Variants in PIP5K1C observed in about 807,000 individuals in gnomAD.
PIP5K1C encodes the protein phosphatidylinositol-4-phosphate 5-kinase type 1 gamma.
Under a neutral mutation model 80.1 loss-of-function variants are expected in PIP5K1C, and 45 were observed. The observed-to-expected ratio is 0.56, with a 90% CI of 0.44 to 0.72. The LOEUF is 0.72. Ranked by LOEUF, PIP5K1C falls within the 30% of genes least tolerant of loss-of-function variation. The probability of loss-of-function intolerance (pLI) is 0.00; values close to 1 mark genes in which losing one functional copy is unlikely to be tolerated. For missense variants in PIP5K1C, 753 were observed against 954.6 expected (o/e 0.79, Z 2.78); for synonymous variants, 498 against 420.1 (o/e 1.19, Z -2.27).
intron 16 of PIP5K1C, among the ~76,000 whole-genome samples, chr19:3,634,421 T>A (rs916529452): frequency 2.6e-5 from 4 of 152,072 alleles, no homozygotes; most frequent in Non-Finnish European, 5.9e-5. Context: ...AACCCAGCCT[T>A]CAACGCCCCT....
chr19:3,630,535 C>T lies in PIP5K1C; in HGVS notation c.*2632G>A, dbSNP rs1263169215. ...GGAGATGAGGAGGAGGTGGCAGGCG[C>T]CTCTCCTGGGGTGGGGACTGAGGGC... On this transcript the variant is annotated 3_prime_UTR_variant, in exon 18 of 18. Transcript: ENST00000335312. 1.3e-5 allele frequency: 2 copies of T among 152,362 alleles called. No individual in the cohort carries two copies. The highest frequency in any genetic ancestry group is 3.9e-4 in the East Asian group (2 of 5,190). The allele number at this position is 152,362 out of a possible 1,614,324, so 9.4% of individuals were successfully genotyped here.
At chr19:3,654,317 G>A (rs985124370) in intron 6 of PIP5K1C, among the ~76,000 whole-genome samples, 2 of 152,160 alleles carry the variant, frequency 1.3e-5, no homozygotes, top group East Asian at 3.9e-4. Context: ...AAGCAACAGC[G>A]CCCCCTGCCC....
rs2035627178 is a variant in PIP5K1C, at chr19:3,682,793, C to T, written c.95-15440G>A. Among the ~76,000 whole-genome samples, 3 of 152,240 alleles carry T rather than the reference C, an allele frequency of 2.0e-5. No homozygotes were observed. The South Asian group carries it at 6.2e-4, about 32-fold the overall frequency. ...AGGAGGCAGTCCCGGCTGACAGCTTCACCACAGCCTCATGAGAGACCCCGA... is the reference window on the plus strand; with the variant it reads ...AGGAGGCAGTCCCGGCTGACAGCTTTACCACAGCCTCATGAGAGACCCCGA... On this transcript the variant is annotated intron_variant, in intron 1 of 17. Transcript: ENST00000335312.
Position 3,651,827 on chromosome 19 carries a change from T to A in PIP5K1C, c.1126A>T (p.Thr376Ser). The A allele has an allele frequency of 1.2e-6, 2 of 1,611,158 alleles. No individual in the cohort carries two copies. Among genetic ancestry groups the A allele is most frequent in the Non-Finnish European group, 1.7e-6 (2 of 1,179,560 alleles). ...TCCGGCGGCCCCCCGCCCACCTACG[T>A]GTCATCCGATTCGATGGCCTCCCCG... ...ARGEAIESDD[T>S]MGGIPAVNGR... is the part of the protein sequence containing the mutation. Residue 376 changes from threonine (T) to serine (S), a missense_variant and splice_region_variant, in exon 8 of 18, where the codon ACG becomes TCG. By Grantham distance (58) the Thr-to-Ser change is moderately conservative. Coordinates refer to ENST00000335312, the MANE Select transcript of PIP5K1C (RefSeq NM_012398.3).
chr19:3,636,816 G>A (rs983051472), intron 16 of PIP5K1C: 6 of 987,832 alleles, frequency 6.1e-6, no homozygotes, highest in Non-Finnish European at 7.2e-6. Flanking sequence ...TCTGCGCCCC[G>A]TTCTGGCTGT....
intron 1 of PIP5K1C, among the ~76,000 whole-genome samples, chr19:3,685,493 G>A (rs371790683): frequency 1.3e-5 from 2 of 152,286 alleles, no homozygotes; most frequent in South Asian, 4.1e-4. Flanking sequence ...CACTTTGGGA[G>A]GCCGAGGCGG....
At chr19:3,691,628 C>A (rs1252420234) in intron 1 of PIP5K1C, among the ~76,000 whole-genome samples, 2 of 152,174 alleles carry the variant, frequency 1.3e-5, no homozygotes, top group Non-Finnish European at 2.9e-5. Context: ...ACCAAAGCCT[C>A]GGGAACTGTA....
At chr19:3,660,565 G>T (rs996404244) in intron 5 of PIP5K1C, among the ~76,000 whole-genome samples, 1 of 152,138 alleles carries the variant, frequency 6.6e-6, no homozygotes, top group African/African-American at 2.4e-5. Context: ...CCGACTCTAC[G>T]CTGGTCCCCA....
chr19:3,655,347 G>C (rs1217867713), intron 6 of PIP5K1C, among the ~76,000 whole-genome samples: 2 of 152,104 alleles, frequency 1.3e-5, no homozygotes, highest in Non-Finnish European at 2.9e-5. Context: ...GAACCCAGGA[G>C]GGGGAGGCTG....
chr19:3,645,917 C>T (rs565497090), intron 11 of PIP5K1C, 57 bp downstream of exon 11: 24 of 1,383,682 alleles, frequency 1.7e-5, no homozygotes, highest in African/African-American at 8.5e-5. Flanking sequence ...TCCTGCCCCA[C>T]GGCGCTCTGG....
intron 1 of PIP5K1C, among the ~76,000 whole-genome samples, chr19:3,694,168 C>T (rs113323320): frequency 0.18 from 26,666 of 149,630 alleles, 2,550 homozygotes; most frequent in African/African-American, 0.23. Context: ...GCCGAGAACG[C>T]GCCACTGCAC....
chr19:3,692,077 G>A lies in PIP5K1C; in HGVS notation c.94+8220C>T, dbSNP rs901501145. 2.0e-5 allele frequency among the ~76,000 whole-genome samples: 3 copies of A among 152,194 alleles called. No individual in the cohort carries two copies. The highest frequency in any genetic ancestry group is 6.5e-5 in the Admixed American group (1 of 15,280). On this transcript the variant is annotated intron_variant, in intron 1 of 17. Coordinates refer to ENST00000335312, the MANE Select transcript of PIP5K1C (RefSeq NM_012398.3). This position sits in a 1 kb window ranked among gnomAD's most constrained non-coding sequence, Gnocchi z 5.2. Reference sequence around the variant, plus strand: ...GTGGGAGCTGCCCGCTCACGTCCCTGTCCCCACTCCCTGGGCGCCCACCAT... The same window carrying A: ...GTGGGAGCTGCCCGCTCACGTCCCTATCCCCACTCCCTGGGCGCCCACCAT...
intron 1 of PIP5K1C, among the ~76,000 whole-genome samples, chr19:3,682,184 G>A (rs2035610124): frequency 6.6e-6 from 1 of 151,960 alleles, no homozygotes; most frequent in African/African-American, 2.4e-5. Flanking sequence ...GACCAGTCTG[G>A]CCAACATGGT....
intron 1 of PIP5K1C, among the ~76,000 whole-genome samples, chr19:3,699,418 C>CGCCCGCTT (rs972496647): frequency 1.3e-5 from 2 of 152,178 alleles, no homozygotes; most frequent in African/African-American, 4.8e-5. Flanking sequence ...ATCGCCCGCC[C>CGCCCGCTT]GCCCGCTTGC....
intron 7 of PIP5K1C, among the ~76,000 whole-genome samples, chr19:3,652,328 G>C (rs1300010549): frequency 6.6e-6 from 1 of 152,270 alleles, no homozygotes; most frequent in East Asian, 1.9e-4. Flanking sequence ...CTGAGAGACA[G>C]GGAGCCGGGC....
At chr19:3,643,435 C>A in intron 12 of PIP5K1C, 54 bp from the exon 13 acceptor site, 1 of 1,606,550 alleles carries the variant, frequency 6.2e-7, no homozygotes, top group Non-Finnish European at 8.5e-7. Context: ...CCCAAACACA[C>A]AGTCGATTCT....
At chr19:3,635,682 C>CA (rs548795490) in intron 16 of PIP5K1C, among the ~76,000 whole-genome samples, 31 of 145,322 alleles carry the variant, frequency 2.1e-4, no homozygotes, top group Admixed American at 4.1e-4. Flanking sequence ...GACTCCATCT[C>CA]AAAAAAAACA....
intron 1 of PIP5K1C, among the ~76,000 whole-genome samples, chr19:3,680,618 C>G (rs763812169): frequency 2.6e-5 from 4 of 152,200 alleles, no homozygotes; most frequent in Non-Finnish European, 5.9e-5. Context: ...AATACAATGT[C>G]TAATAAGAAA....
Position 3,670,947 on chromosome 19 carries a change from A to C in PIP5K1C, c.95-3594T>G, listed in dbSNP as rs542016314. Among the ~76,000 whole-genome samples, 874 of 152,342 alleles carry C rather than the reference A, an allele frequency of 5.7e-3. 10 individuals carry two copies. Among genetic ancestry groups the C allele is most frequent in the African/African-American group, 0.02 (837 of 41,584 alleles). On this transcript the variant is annotated intron_variant, in intron 1 of 17. Transcript: ENST00000335312. Reference sequence around the variant, plus strand: ...CCCCCAGGTCTCTGACAGGCCACAAAGGGCCTGCTCTGGGCCGCGGCGGGG... The same window carrying C: ...CCCCCAGGTCTCTGACAGGCCACAACGGGCCTGCTCTGGGCCGCGGCGGGG...
Sources: gnomAD v4.1 joint callset for allele counts (sites outside exome capture counted in the v4.1 genomes callset) on GRCh38, gnomAD v4.1.1 for gene constraint, Gnocchi (gnomAD v3.1) non-coding constraint, MANE v1.5 for transcripts, NCBI Gene and HGNC (gene_info 2026-07-23, HGNC 2026-07-21) for gene names.